GOLGA4: variants seen among roughly 807,000 people sequenced by gnomAD.
GOLGA4 encodes the protein golgin A4.
In GOLGA4, 169 loss-of-function variants were observed where a neutral mutation model predicts 265.9. That is an observed-to-expected ratio of 0.64 (90% CI 0.56 to 0.72). GOLGA4 has a LOEUF of 0.72. Ranked by LOEUF, GOLGA4 falls within the 30% of genes least tolerant of loss-of-function variation. The pLI is 0.00. For synonymous variants in GOLGA4, 923 were observed against 855.8 expected (o/e 1.08, Z -1.37); for missense variants, 2,482 against 2,483.4 (o/e 1.00, Z 0.01).
chr3:37,261,504 G>C (rs1429501436), intron 2 of GOLGA4, among the ~76,000 whole-genome samples: 1 of 152,202 alleles, frequency 6.6e-6, no homozygotes, highest in Admixed American at 6.5e-5. Flanking sequence ...TATGGAAAAT[G>C]ATTTGAGTAA....
intron 20 of GOLGA4, among the ~76,000 whole-genome samples, chr3:37,343,066 G>A (rs1053320773): frequency 2.6e-5 from 4 of 152,036 alleles, no homozygotes; most frequent in African/African-American, 9.7e-5. Flanking sequence ...GCTAATTTTT[G>A]TATTTTTGGG....
chr3:37,343,355 G>C (rs2097044746), intron 20 of GOLGA4, among the ~76,000 whole-genome samples: 1 of 151,972 alleles, frequency 6.6e-6, no homozygotes, highest in South Asian at 2.1e-4. Flanking sequence ...TCCTGACCTC[G>C]GGTGATCCGC....
chr3:37,298,744 A>G, intron 7 of GOLGA4, 89 bp from the exon 8 acceptor site: 1 of 856,014 alleles, frequency 1.2e-6, no homozygotes. Context: ...CGGTTAGATT[A>G]GATCTCTTTG....
In GOLGA4 at chr3:37,347,277, T is replaced by A; in HGVS notation, c.6557T>A (p.Met2186Lys). ...TTGCGAAAAGTGCTTTTTGAGTATATGATGGGTCGTGAGACTAAGGTATAA... is the reference window on the plus strand; with the variant it reads ...TTGCGAAAAGTGCTTTTTGAGTATAAGATGGGTCGTGAGACTAAGGTATAA... ...EYLRKVLFEYMMGRETKTMAK... is the reference protein window; with the variant it reads ...EYLRKVLFEYKMGRETKTMAK... Residue 2186 changes from methionine (M) to lysine (K), a missense_variant, in exon 21 of 24, where the codon ATG (methionine) becomes AAG (lysine). Transcript: ENST00000361924. 1.3e-6 allele frequency: 2 copies of A among 1,596,396 alleles called. No homozygotes were observed. The highest frequency in any genetic ancestry group is 1.7e-6 in the Non-Finnish European group (2 of 1,164,118).
At chr3:37,280,401 A>G (rs1443766748) in intron 2 of GOLGA4, among the ~76,000 whole-genome samples, 1 of 152,218 alleles carries the variant, frequency 6.6e-6, no homozygotes, top group African/African-American at 2.4e-5. Flanking sequence ...GGTGAAAAAT[A>G]TGATATAAAA....
In GOLGA4 at chr3:37,325,039, T is replaced by C. The variant is rs771891653; in HGVS notation, c.3153T>C (p.Leu1051=). 6.2e-6 allele frequency: 10 copies of C among 1,612,826 alleles called. No individual in the cohort carries two copies. The highest frequency in any genetic ancestry group is 8.5e-6 in the Non-Finnish European group (10 of 1,179,642). Residue 1051 remains leucine (L), a synonymous_variant, in exon 14 of 24, where the codon CTT becomes CTC. Coordinates refer to ENST00000361924, the MANE Select transcript of GOLGA4 (RefSeq NM_002078.5). ...NDVISIWEKK[L]NQQAEELQEI... Reference sequence around the variant, plus strand: ...TCATATCAATCTGGGAAAAGAAACTTAATCAGCAAGCTGAAGAACTTCAGG... The same window carrying C: ...TCATATCAATCTGGGAAAAGAAACTCAATCAGCAAGCTGAAGAACTTCAGG...
chr3:37,336,759 CAAAAGAAA>C (rs1211405684), intron 17 of GOLGA4, among the ~76,000 whole-genome samples: 1 of 142,028 alleles, frequency 7.0e-6, no homozygotes, highest in Non-Finnish European at 1.6e-5. Context: ...ACAAGAAGAG[CAAAAGAAA>C]GAGAGAAAGA....
At chr3:37,263,428 C>T (rs928496440) in intron 2 of GOLGA4, among the ~76,000 whole-genome samples, 1 of 152,158 alleles carries the variant, frequency 6.6e-6, no homozygotes, top group Non-Finnish European at 1.5e-5. Flanking sequence ...ACTGATCCAA[C>T]CAGGAACAGA....
chr3:37,270,616 A>G (rs1191297327), intron 2 of GOLGA4, among the ~76,000 whole-genome samples: 1 of 152,164 alleles, frequency 6.6e-6, no homozygotes, highest in Non-Finnish European at 1.5e-5. Flanking sequence ...TAAATATTTT[A>G]TGGAGCCCCT....
chr3:37,266,907 C>G (rs1033498769), intron 2 of GOLGA4: 1 of 1,286,710 alleles, frequency 7.8e-7, no homozygotes, highest in African/African-American at 1.5e-5. Flanking sequence ...CTTTGGATTC[C>G]TCCAAACATC....
chr3:37,300,980 A>C (rs2096891186), intron 9 of GOLGA4, among the ~76,000 whole-genome samples: 2 of 152,194 alleles, frequency 1.3e-5, no homozygotes, highest in African/African-American at 2.4e-5. Flanking sequence ...TTTTGAAGAA[A>C]CTGAAAGCCC....
intron 7 of GOLGA4, among the ~76,000 whole-genome samples, chr3:37,297,407 A>G (rs2096881406): frequency 6.6e-6 from 1 of 152,148 alleles, no homozygotes; most frequent in Non-Finnish European, 1.5e-5. Flanking sequence ...ACTTACCAGA[A>G]CTCCTCTCAG....
intron 2 of GOLGA4, among the ~76,000 whole-genome samples, chr3:37,267,623 G>T (rs1431926262): frequency 6.6e-6 from 1 of 151,976 alleles, no homozygotes. Flanking sequence ...GATAGCCTTT[G>T]GTGTTAAACA....
At position 37,296,124 on chromosome 3, in the gene GOLGA4, T is replaced by A. The variant is rs1039174937; in HGVS notation, c.719T>A (p.Met240Lys). 3 of 1,613,452 alleles carry A rather than the reference T, an allele frequency of 1.9e-6. No individual in the cohort carries two copies. The African/African-American group carries it at 4.0e-5, about 22-fold the overall frequency. Reference protein sequence around the residue: ...LLKQRLRNGPMNVDVLKPLPQ... With the variant: ...LLKQRLRNGPKNVDVLKPLPQ... ...AAACAACGATTACGAAATGGCCCGA[T>A]GAATGTTGATGTACTGAAACCACTT... The change falls in exon 7 of 24, where the codon ATG becomes AAG. Residue 240 changes from methionine (M) to lysine (K), a missense_variant. Physicochemically the swap from Met to Lys is moderately conservative, Grantham distance 95. This residue lies in a region of GOLGA4 where 1,536 missense variants were observed against 1,483.7 expected (regional missense o/e 1.04). Coordinates refer to ENST00000361924, the MANE Select transcript of GOLGA4 (RefSeq NM_002078.5).
intron 3 of GOLGA4, among the ~76,000 whole-genome samples, chr3:37,285,567 G>A (rs145923179): frequency 6.6e-6 from 1 of 152,302 alleles, no homozygotes; most frequent in African/African-American, 2.4e-5. Context: ...AAAATTGCCT[G>A]GTGAGCTCAT....
chr3:37,363,599 G>A (rs1166742930), intron 23 of GOLGA4, among the ~76,000 whole-genome samples: 1 of 152,168 alleles, frequency 6.6e-6, no homozygotes, highest in African/African-American at 2.4e-5. Flanking sequence ...TTGCCGACAT[G>A]CTTGCAAGCA....
intron 20 of GOLGA4, chr3:37,341,774 A>G (rs1578797943): frequency 1.3e-5 from 2 of 152,346 alleles, no homozygotes; most frequent in Admixed American, 1.3e-4. Context: ...TGCATAGAGA[A>G]TAGTGTCAAT....
intron 16 of GOLGA4, among the ~76,000 whole-genome samples, chr3:37,332,301 C>T (rs1458177883): frequency 6.6e-6 from 1 of 152,152 alleles, no homozygotes; most frequent in Non-Finnish European, 1.5e-5. Flanking sequence ...TTAATGCAAG[C>T]GTTACCATCT....
rs1292070907 is a variant in GOLGA4 at position 37,347,045 on chromosome 3, G to A, written c.6473-148G>A. On this transcript the variant is annotated intron_variant, in intron 20 of 23. Transcript: ENST00000361924. The stretch of plus-strand genomic sequence containing the variant: ...TAAAATAGTAATTGGAATGTTTAGT[G>A]TGCATGTGTGTATACAATGCAATAT... 7 of 473,882 alleles carry A rather than the reference G, an allele frequency of 1.5e-5. No individual in the cohort carries two copies. In the Admixed American group the frequency reaches 2.0e-4, roughly 13 times the overall value. 29.4% of individuals were successfully genotyped at this position (473,882 alleles called of 1,614,324 possible).
Sources: gnomAD v4.1 joint callset for allele counts (sites outside exome capture counted in the v4.1 genomes callset) on GRCh38, gnomAD v4.1.1 for gene constraint, gnomAD v4.1.1 regional missense constraint, MANE v1.5 for transcripts, NCBI Gene and HGNC (gene_info 2026-07-23, HGNC 2026-07-21) for gene names.